Variants in RFC1 observed in about 807,000 individuals in gnomAD.
The protein encoded by RFC1 is A1 140 kDa subunit.
In RFC1, 37 loss-of-function variants were observed where a neutral mutation model predicts 137.4. The observed-to-expected ratio is 0.27, with a 90% CI of 0.21 to 0.35. The LOEUF is 0.35. Among genes scored for constraint, RFC1 ranks in the 10% least tolerant of loss-of-function variants. The pLI is 1.00. For missense variants in RFC1, 1,205 were observed against 1,358.5 expected (o/e 0.89, Z 1.78); for synonymous variants, 429 against 455.7 (o/e 0.94, Z 0.75).
intron 4 of RFC1, among the ~76,000 whole-genome samples, chr4:39,333,582 C>A (rs529309757): frequency 2.0e-5 from 3 of 151,822 alleles, no homozygotes; most frequent in African/African-American, 7.2e-5. Context: ...AAAAAAACCT[C>A]ATGAAAATAG....
intron 2 of RFC1, among the ~76,000 whole-genome samples, chr4:39,348,992 T>G (rs930153109): frequency 1.3e-5 from 2 of 152,266 alleles, no homozygotes; most frequent in Non-Finnish European, 2.9e-5. Context: ...GGAATGGTAA[T>G]GTCTATCCTA....
At chr4:39,290,312 G>A (rs1478311212) in intron 23 of RFC1, among the ~76,000 whole-genome samples, 1 of 151,642 alleles carries the variant, frequency 6.6e-6, no homozygotes, top group East Asian at 1.9e-4. Context: ...GGTGGAGGTT[G>A]CAGTGAGCTG....
At chr4:39,334,966 T>C (rs896018940) in intron 4 of RFC1, among the ~76,000 whole-genome samples, 10 of 152,142 alleles carry the variant, frequency 6.6e-5, no homozygotes, top group African/African-American at 2.2e-4. Context: ...TGGGGGTCCA[T>C]ATAAAAATCT....
At chr4:39,353,766 A>G (rs1741330187) in intron 1 of RFC1, among the ~76,000 whole-genome samples, 1 of 152,218 alleles carries the variant, frequency 6.6e-6, no homozygotes, top group Non-Finnish European at 1.5e-5. Flanking sequence ...GAAACATTTT[A>G]AAAATAAAAA....
intron 1 of RFC1, chr4:39,365,579 G>A (rs1578183913): frequency 3.1e-6 from 2 of 642,586 alleles, no homozygotes; most frequent in Admixed American, 1.3e-4. Flanking sequence ...ACATCAGGTG[G>A]TAAGAGGATG....
Position 39,312,934 on chromosome 4 carries a change from A to G in RFC1, c.1204-3T>C, listed in dbSNP as rs1739034777. The G allele has an allele frequency of 1.3e-6, 2 of 1,589,994 alleles. No individual in the cohort carries two copies. Among genetic ancestry groups the G allele is most frequent in the African/African-American group, 2.7e-5 (2 of 74,400 alleles). On this transcript the variant is annotated splice_polypyrimidine_tract_variant and splice_region_variant and intron_variant, in intron 10 of 24. Coordinates refer to ENST00000349703, the MANE Select transcript of RFC1 (RefSeq NM_002913.5). ...CCTTCCAAGCAATTTTCAGCTCCCT[A>G]AAAACCAAAATGTTCAAGCAGAGAG...
intron 23 of RFC1, 128 bp downstream of exon 23, chr4:39,291,511 A>G: frequency 1.5e-6 from 1 of 681,206 alleles, no homozygotes; most frequent in Admixed American, 2.3e-5. Flanking sequence ...AATATAGGCC[A>G]TAAGAAGCAA....
intron 6 of RFC1, among the ~76,000 whole-genome samples, chr4:39,324,461 C>T (rs1191021194): frequency 2.6e-5 from 4 of 152,238 alleles, no homozygotes; most frequent in South Asian, 2.1e-4. Context: ...CTAAAAATTA[C>T]TTCCTAGTTT....
intron 7 of RFC1, among the ~76,000 whole-genome samples, chr4:39,322,835 G>C (rs1374983752): frequency 6.6e-5 from 10 of 151,030 alleles, no homozygotes; most frequent in Non-Finnish European, 1.0e-4. Context: ...TATAATCCTA[G>C]CACTTTGAGA....
rs762236134 is a variant in RFC1 at position 39,302,746 on chromosome 4, T to C, written c.2331A>G (p.Glu777=). 2 of 1,585,380 alleles carry C rather than the reference T, an allele frequency of 1.3e-6. No individual in the cohort carries two copies. The highest frequency in any genetic ancestry group is 1.7e-6 in the Non-Finnish European group (2 of 1,171,320). Residue 777 remains glutamate, a synonymous_variant, in exon 17 of 25, where the codon GAA becomes GAG. Coordinates refer to ENST00000349703, the MANE Select transcript of RFC1 (RefSeq NM_002913.5). The stretch of plus-strand genomic sequence containing the variant: ...ATTTCAATCATCATACCTTAATCTG[T>C]TCAACCCGAGGTCTTTGAAAACGAA... ...FDLRFQRPRV[E]QIKGAMMSIA...
chr4:39,338,223 A>T (rs1171139205), intron 4 of RFC1, among the ~76,000 whole-genome samples: 1 of 152,208 alleles, frequency 6.6e-6, no homozygotes. Flanking sequence ...ATTAGTTTTT[A>T]AAAATCAATA....
intron 11 of RFC1, among the ~76,000 whole-genome samples, 180 bp downstream of exon 11, chr4:39,312,572 G>A (rs1739009029): frequency 6.6e-6 from 1 of 152,122 alleles, no homozygotes; most frequent in Non-Finnish European, 1.5e-5. Flanking sequence ...GCCTTCCATT[G>A]GAAAACCAAA....
chr4:39,332,965 A>T (rs1287096250), intron 4 of RFC1, among the ~76,000 whole-genome samples: 3 of 152,236 alleles, frequency 2.0e-5, no homozygotes, highest in Non-Finnish European at 4.4e-5. Flanking sequence ...AAATACAATA[A>T]GACAAAATTT....
chr4:39,295,818 T>C, intron 21 of RFC1, 59 bp from the exon 22 acceptor site: 2 of 1,504,688 alleles, frequency 1.3e-6, no homozygotes, highest in Non-Finnish European at 1.8e-6. Context: ...ACTTCCTTAA[T>C]AGTCATTGGC....
rs1740650873 is a variant in RFC1 at position 39,342,432 on chromosome 4, C to T, written c.244G>A (p.Ala82Thr). 6.2e-7 allele frequency: 1 copy of T among 1,613,182 alleles called. No individual in the cohort carries two copies. Among genetic ancestry groups the T allele is most frequent in the Non-Finnish European group, 8.5e-7 (1 of 1,179,444 alleles). Reference sequence around the variant, plus strand: ...GGCAGTTTTTCTGGTGGCTTTTTGGCATTTTTTACCTGCAACGTCTCCTCT... The same window carrying T: ...GGCAGTTTTTCTGGTGGCTTTTTGGTATTTTTTACCTGCAACGTCTCCTCT... ...ESEETLQVKN[A>T]KKPPEKLPVS... The change falls in exon 4 of 25, where the codon GCC becomes ACC. Residue 82 changes from alanine (A) to threonine (T), a missense_variant. Coordinates refer to ENST00000349703, the MANE Select transcript of RFC1 (RefSeq NM_002913.5).
At chr4:39,337,435 AGTGTGTGTGTGTGTGTGTGT>A (rs71921435) in intron 4 of RFC1, among the ~76,000 whole-genome samples, 1,541 of 143,696 alleles carry the variant, frequency 0.011, 24 homozygotes, top group African/African-American at 0.033. Flanking sequence ...TACTCAAATA[AGTGTGTGTGTGTGTGTGTGT>A]GTGTGTGTGT....
intron 8 of RFC1, 143 bp downstream of exon 8, chr4:39,321,144 A>G: frequency 1.6e-6 from 1 of 621,774 alleles, no homozygotes; most frequent in Admixed American, 3.4e-5. Flanking sequence ...CAAAGTTTCT[A>G]AGTTCAATAT....
In RFC1 at chr4:39,295,641, T is replaced by C. The variant is rs779893192; in HGVS notation, c.2927A>G (p.Gln976Arg). ...SSTGKHDRIV[Q>R]DLALHMSLRT... ...GAGACTCATATGCAAGGCCAGGTCC[T>C]GAACAATACGATCATGTTTGCCTGT... The change falls in exon 22 of 25, where the codon CAG becomes CGG. Residue 976 changes from glutamine to arginine, a missense_variant. Around this residue, in one of 3 missense-constraint regions of RFC1, gnomAD observed 237 missense variants for 304.2 expected, o/e 0.78. Coordinates refer to ENST00000349703, the MANE Select transcript of RFC1 (RefSeq NM_002913.5). 1 of 1,612,886 alleles carries C rather than the reference T, an allele frequency of 6.2e-7. No individual in the cohort carries two copies. The highest frequency in any genetic ancestry group is 8.5e-7 in the Non-Finnish European group (1 of 1,179,368).
chr4:39,326,673 A>G, intron 5 of RFC1, 33 bp from the exon 6 acceptor site: 1 of 1,571,194 alleles, frequency 6.4e-7, no homozygotes, highest in Non-Finnish European at 8.7e-7. Context: ...CAAAATCAGC[A>G]TAAACCTTAA....
Sources: gnomAD v4.1 joint callset for allele counts (sites outside exome capture counted in the v4.1 genomes callset) on GRCh38, gnomAD v4.1.1 for gene constraint, gnomAD v4.1.1 regional missense constraint, MANE v1.5 for transcripts, NCBI Gene and HGNC (gene_info 2026-07-23, HGNC 2026-07-21) for gene names.